The following CRPPA variants were observed in gnomAD, a reference collection of about 807,000 sequenced individuals.
The protein encoded by CRPPA is D-ribitol-5-phosphate cytidylyltransferase.
A neutral mutation model predicts 52.0 loss-of-function variants in CRPPA; 43 were observed. The observed-to-expected ratio is 0.83, with a 90% CI of 0.65 to 1.07. The LOEUF (loss-of-function observed/expected upper bound fraction) is 1.07, where lower values mean the gene tolerates loss of function less well. Among genes scored for constraint, CRPPA ranks in the 50% least tolerant of loss-of-function variants. The probability of loss-of-function intolerance (pLI) is 0.00; values close to 1 mark genes in which losing one functional copy is unlikely to be tolerated. For missense variants in CRPPA, 629 were observed against 551.7 expected (o/e 1.14, Z -1.40); for synonymous variants, 250 against 203.5 (o/e 1.23, Z -1.94).
chr7:16,253,205 A>C (rs1583467913), intron 8 of CRPPA, among the ~76,000 whole-genome samples: 1 of 152,226 alleles, frequency 6.6e-6, no homozygotes, highest in African/African-American at 2.4e-5. Flanking sequence ...TTAGGGTGTC[A>C]ATTTTAGATC....
At chr7:16,097,567 T>C (rs761674823) in intron 9 of CRPPA, among the ~76,000 whole-genome samples, 3 of 152,192 alleles carry the variant, frequency 2.0e-5, no homozygotes, top group African/African-American at 4.8e-5. Flanking sequence ...TAATTCTAAA[T>C]TTAGTCATAG....
At chr7:16,298,724 T>C (rs1162924214) in intron 5 of CRPPA, among the ~76,000 whole-genome samples, 2 of 152,210 alleles carry the variant, frequency 1.3e-5, no homozygotes, top group Admixed American at 6.5e-5. Context: ...AGTGTGCCTA[T>C]GAGGGTGTTT....
At chr7:16,420,778 C>T (rs1398338005) in intron 1 of CRPPA, among the ~76,000 whole-genome samples, 2 of 152,162 alleles carry the variant, frequency 1.3e-5, no homozygotes, top group Non-Finnish European at 2.9e-5. Flanking sequence ...ATCGCCTAGT[C>T]CCAACCCATG....
chr7:16,397,698 T>A (rs2128316277), intron 2 of CRPPA, among the ~76,000 whole-genome samples: 1 of 152,280 alleles, frequency 6.6e-6, no homozygotes, highest in Non-Finnish European at 1.5e-5. Flanking sequence ...TGACACGTGA[T>A]ACATGATTGA....
chr7:16,276,209 C>G (rs1038232965), intron 6 of CRPPA, among the ~76,000 whole-genome samples: 3 of 152,018 alleles, frequency 2.0e-5, no homozygotes, highest in Non-Finnish European at 4.4e-5. Flanking sequence ...AACATGTAAG[C>G]TTCATCCAAC....
At chr7:16,176,969 T>A (rs1391507659) in intron 9 of CRPPA, among the ~76,000 whole-genome samples, 2 of 152,136 alleles carry the variant, frequency 1.3e-5, no homozygotes, top group African/African-American at 4.8e-5. Context: ...CTATTCAGCA[T>A]TAAGAAAAAC....
intron 9 of CRPPA, among the ~76,000 whole-genome samples, chr7:16,184,578 G>C (rs1245465175): frequency 2.0e-5 from 3 of 151,984 alleles, no homozygotes; most frequent in Admixed American, 6.6e-5. Context: ...TACATTTTTT[G>C]CTGCTTCTCA....
At chr7:16,382,325 T>C (rs1583564097) in intron 2 of CRPPA, among the ~76,000 whole-genome samples, 1 of 152,368 alleles carries the variant, frequency 6.6e-6, no homozygotes, top group African/African-American at 2.4e-5. Context: ...TGGCCCCCAC[T>C]CTCTTCTGGC....
chr7:16,410,942 G>A (rs1788064140), intron 1 of CRPPA, among the ~76,000 whole-genome samples: 1 of 152,106 alleles, frequency 6.6e-6, no homozygotes, highest in Admixed American at 6.5e-5. Context: ...CTGCTTCTCA[G>A]CTTGCAGAGT....
At chr7:16,180,146 T>C (rs1226530372) in intron 9 of CRPPA, among the ~76,000 whole-genome samples, 1 of 152,042 alleles carries the variant, frequency 6.6e-6, no homozygotes, top group Admixed American at 6.6e-5. Context: ...TCAACCCAAG[T>C]TGCATGTTAG....
chr7:16,389,772 G>A (rs182303843), intron 2 of CRPPA, among the ~76,000 whole-genome samples: 2 of 151,394 alleles, frequency 1.3e-5, no homozygotes, highest in African/African-American at 2.4e-5. Flanking sequence ...GCAAGAAAAT[G>A]TAATAAGCTA....
intron 9 of CRPPA, among the ~76,000 whole-genome samples, chr7:16,162,604 G>C (rs1045990292): frequency 6.6e-6 from 1 of 152,142 alleles, no homozygotes; most frequent in Non-Finnish European, 1.5e-5. Context: ...CAATTATGTG[G>C]TCAATTTTAG....
chr7:16,346,948 C>T (rs1786028509), intron 3 of CRPPA, among the ~76,000 whole-genome samples: 2 of 152,058 alleles, frequency 1.3e-5, no homozygotes, highest in Non-Finnish European at 2.9e-5. Flanking sequence ...CAAAGCCACC[C>T]AGTCAACTCC....
intron 9 of CRPPA, among the ~76,000 whole-genome samples, chr7:16,124,655 G>T (rs926136835): frequency 6.6e-6 from 1 of 152,008 alleles, no homozygotes; most frequent in Non-Finnish European, 1.5e-5. Flanking sequence ...GCACTACAGG[G>T]TAACTATAAC....
intron 8 of CRPPA, among the ~76,000 whole-genome samples, chr7:16,250,492 C>G (rs1386304735): frequency 6.6e-6 from 1 of 152,130 alleles, no homozygotes. Context: ...AGGTTACCCA[C>G]AAAGGGAAGC....
chr7:16,159,749 C>T (rs1783263319), intron 9 of CRPPA, among the ~76,000 whole-genome samples: 1 of 152,078 alleles, frequency 6.6e-6, no homozygotes, highest in Non-Finnish European at 1.5e-5. Context: ...GGGTCAAATG[C>T]TATTTCTACT....
In CRPPA at chr7:16,089,583, A is replaced by T. The variant is rs1781791716; in HGVS notation, c.*2112T>A. 8.6e-6 allele frequency: 2 copies of T among 232,788 alleles called. No homozygotes were observed. Among genetic ancestry groups the T allele is most frequent in the Non-Finnish European group, 1.9e-5 (2 of 106,216 alleles). The allele number at this position is 232,788 out of a possible 1,614,324, so 14.4% of individuals were successfully genotyped here. ...AGTATATACATATATATGGGTATAC[A>T]TGCATGTATATACATATATATGGGT... On this transcript the variant is annotated 3_prime_UTR_variant, in exon 10 of 10. Coordinates refer to ENST00000407010, the MANE Select transcript of CRPPA (RefSeq NM_001101426.4).
intron 9 of CRPPA, among the ~76,000 whole-genome samples, chr7:16,133,701 T>A (rs2128373500): frequency 8.0e-6 from 1 of 124,224 alleles, no homozygotes; most frequent in African/African-American, 2.6e-5. Flanking sequence ...AAAGTACCAC[T>A]GATGATGCTG....
At chr7:16,165,111 C>G (rs531059968) in intron 9 of CRPPA, among the ~76,000 whole-genome samples, 1 of 152,134 alleles carries the variant, frequency 6.6e-6, no homozygotes, top group East Asian at 1.9e-4. Context: ...CTGCCCCTTC[C>G]CCCTAAAAGT....
Sources: gnomAD v4.1 joint callset for allele counts (sites outside exome capture counted in the v4.1 genomes callset) on GRCh38, gnomAD v4.1.1 for gene constraint, MANE v1.5 for transcripts, NCBI Gene and HGNC (gene_info 2026-07-23, HGNC 2026-07-21) for gene names.